NRXN1: variants seen among roughly 807,000 people sequenced by gnomAD.
NRXN1 encodes neurexin 1.
Under a neutral mutation model 150.9 loss-of-function variants are expected in NRXN1, and 39 were observed. That is an observed-to-expected ratio of 0.26 (90% confidence interval 0.20 to 0.34). The LOEUF is 0.34. Ranked by LOEUF, NRXN1 falls within the 10% of genes least tolerant of loss-of-function variation. NRXN1 has a pLI of 1.00. For missense variants in NRXN1, 1,815 were observed against 1,949.9 expected (o/e 0.93, Z 1.30); for synonymous variants, 924 against 757.0 (o/e 1.22, Z -3.62).
rs377098267 is a variant in NRXN1 at position 50,390,175 on chromosome 2, T to C, written c.3364+75267A>G. ...CCTGTATGTTTTTATAGAAATTTCA[T>C]GTAAGCTAATAAGTTATAGGTTTGC... is the stretch of plus-strand genomic sequence containing the variant. On this transcript the variant is annotated intron_variant, in intron 17 of 22. Coordinates refer to ENST00000401669, the MANE Select transcript of NRXN1 (RefSeq NM_001330078.2). Among the ~76,000 whole-genome samples, 77 of 152,288 alleles carry C rather than the reference T, an allele frequency of 5.1e-4. 6 individuals are homozygous for C. Among genetic ancestry groups the C allele is most frequent in the East Asian group, 4.4e-3 (23 of 5,178 alleles).
intron 8 of NRXN1, among the ~76,000 whole-genome samples, chr2:50,574,974 G>GCT (rs1297781394): frequency 6.6e-6 from 1 of 152,146 alleles, no homozygotes; most frequent in East Asian, 1.9e-4. Context: ...GCACTAATAT[G>GCT]CTCTCAGAGC....
chr2:50,378,708 T>C (rs921664634), intron 17 of NRXN1, among the ~76,000 whole-genome samples: 1 of 152,138 alleles, frequency 6.6e-6, no homozygotes, highest in Non-Finnish European at 1.5e-5. Context: ...TAAATGCAGA[T>C]GGCTCATTCC....
intron 17 of NRXN1, among the ~76,000 whole-genome samples, chr2:50,390,715 C>T (rs894895426): frequency 3.3e-5 from 5 of 151,784 alleles, no homozygotes; most frequent in Non-Finnish European, 5.9e-5. Flanking sequence ...AAAGTTTGGC[C>T]CCCTCTTGCT....
chr2:50,447,923 G>C (rs566939369), intron 17 of NRXN1, among the ~76,000 whole-genome samples: 2 of 151,570 alleles, frequency 1.3e-5, no homozygotes, highest in South Asian at 2.1e-4. Context: ...AAGTCTGAGA[G>C]ATGTGTGAAC....
chr2:50,696,006 C>T (rs1287024488), intron 5 of NRXN1, among the ~76,000 whole-genome samples: 1 of 151,996 alleles, frequency 6.6e-6, no homozygotes, highest in Non-Finnish European at 1.5e-5. Flanking sequence ...CCATGCTTGG[C>T]TAATTTTTGT....
intron 17 of NRXN1, among the ~76,000 whole-genome samples, chr2:50,402,898 C>T (rs1001704447): frequency 1.1e-4 from 16 of 152,042 alleles, no homozygotes; most frequent in African/African-American, 3.6e-4. Flanking sequence ...GTTACAAAAA[C>T]ATAAGAAGAG....
intron 17 of NRXN1, among the ~76,000 whole-genome samples, chr2:50,440,336 T>C (rs968784592): frequency 6.6e-6 from 1 of 152,164 alleles, no homozygotes; most frequent in Non-Finnish European, 1.5e-5. Context: ...GCCGAGAGTA[T>C]GTACAACCAC....
intron 21 of NRXN1, among the ~76,000 whole-genome samples, chr2:50,033,961 A>T (rs369003060): frequency 6.6e-6 from 1 of 150,664 alleles, no homozygotes; most frequent in Non-Finnish European, 1.5e-5. Flanking sequence ...GGCTATTATT[A>T]AAAAGTGGAA....
At chr2:49,932,621 C>T (rs1670334982) in intron 22 of NRXN1, among the ~76,000 whole-genome samples, 1 of 152,076 alleles carries the variant, frequency 6.6e-6, no homozygotes, top group Admixed American at 6.5e-5. Flanking sequence ...AATCAAAACC[C>T]TCATCAAAAC....
chr2:50,421,341 C>G (rs183413597), intron 17 of NRXN1, among the ~76,000 whole-genome samples: 2 of 152,134 alleles, frequency 1.3e-5, no homozygotes, highest in East Asian at 3.9e-4. Flanking sequence ...CCTTCACTTT[C>G]TAAATGGAGC....
At chr2:51,006,808 C>T (rs1404688853) in intron 2 of NRXN1, among the ~76,000 whole-genome samples, 1 of 151,846 alleles carries the variant, frequency 6.6e-6, no homozygotes, top group African/African-American at 2.4e-5. Flanking sequence ...CCTCTTCTCC[C>T]TATGTTCCCT....
intron 21 of NRXN1, among the ~76,000 whole-genome samples, chr2:49,967,002 G>A (rs1677080407): frequency 6.6e-6 from 1 of 152,122 alleles, no homozygotes; most frequent in Non-Finnish European, 1.5e-5. Flanking sequence ...AATCTGAGGA[G>A]CCCAGTGAAG....
chr2:50,699,564 G>A (rs1259475842), intron 5 of NRXN1, among the ~76,000 whole-genome samples: 1 of 152,006 alleles, frequency 6.6e-6, no homozygotes, highest in Non-Finnish European at 1.5e-5. Context: ...AGCATGAAAT[G>A]GAATGAGGGC....
chr2:50,116,935 C>T, intron 18 of NRXN1, among the ~76,000 whole-genome samples: 1 of 152,030 alleles, frequency 6.6e-6, no homozygotes, highest in East Asian at 1.9e-4. Flanking sequence ...CTGCACCTTC[C>T]TGGTATTAAT....
intron 2 of NRXN1, among the ~76,000 whole-genome samples, chr2:50,981,887 G>GA (rs1359258010): frequency 6.6e-6 from 1 of 150,684 alleles, no homozygotes; most frequent in South Asian, 2.1e-4. Context: ...ACAGAAAATT[G>GA]AAAAAAAATT....
chr2:50,803,882 G>C (rs1420976853), intron 5 of NRXN1, among the ~76,000 whole-genome samples: 1 of 152,110 alleles, frequency 6.6e-6, no homozygotes, highest in South Asian at 2.1e-4. Flanking sequence ...GGCTTTGATA[G>C]TTTGTTTTTC....
intron 18 of NRXN1, among the ~76,000 whole-genome samples, chr2:50,202,484 C>T (rs1327807104): frequency 3.3e-5 from 5 of 151,698 alleles, no homozygotes; most frequent in African/African-American, 1.2e-4. Flanking sequence ...CCAGCCTGGG[C>T]AACAGAGTGA....
At chr2:50,772,637 A>G (rs1055356687) in intron 5 of NRXN1, among the ~76,000 whole-genome samples, 1 of 152,122 alleles carries the variant, frequency 6.6e-6, no homozygotes, top group Admixed American at 6.6e-5. Flanking sequence ...GGGAGCAAGC[A>G]TTATGAATGT....
chr2:50,106,467 A>G (rs1701654699), intron 18 of NRXN1, among the ~76,000 whole-genome samples: 2 of 152,068 alleles, frequency 1.3e-5, no homozygotes, highest in African/African-American at 4.8e-5. Context: ...CTTTGGTTGC[A>G]CTGCAATTAG....
Sources: allele counts gnomAD v4.1 joint callset (sites outside exome capture counted in the v4.1 genomes callset), GRCh38; gene constraint gnomAD v4.1.1; transcripts MANE v1.5; gene names NCBI Gene and HGNC (gene_info 2026-07-23, HGNC 2026-07-21).